EEF1E1: variants seen among roughly 807,000 people sequenced by gnomAD.
The protein encoded by EEF1E1 is eukaryotic translation elongation factor 1 epsilon 1, also known as eukaryotic translation elongation factor 1 epsilon-1.
EEF1E1 carries 19 observed loss-of-function variants against 19.9 expected under a neutral mutation model. That is an observed-to-expected ratio of 0.95 (90% CI 0.66 to 1.40). The LOEUF (loss-of-function observed/expected upper bound fraction) is 1.40, where lower values mean the gene tolerates loss of function less well. EEF1E1 is among the 40% of genes most tolerant of loss of function. The pLI, the probability that EEF1E1 is intolerant of heterozygous loss-of-function variation, is 0.00. For synonymous variants in EEF1E1, 81 were observed against 80.0 expected, an observed-to-expected ratio of 1.01 and a Z score of -0.07; for missense variants, 198 against 202.2, an observed-to-expected ratio of 0.98 and a Z score of 0.13.
At chr6:8,094,591 G>A (rs1002881787) in intron 2 of EEF1E1, among the ~76,000 whole-genome samples, 1 of 151,506 alleles carries the variant, frequency 6.6e-6, no homozygotes, top group Non-Finnish European at 1.5e-5. Context: ...AAAAAAATTA[G>A]GCTAAGGAAA....
chr6:8,101,570 A>G lies in EEF1E1; in HGVS notation c.87+865T>C, dbSNP rs535285962. ...ACTACTTTCTAGACAAGATCTTCAC[A>G]TGGACCAAATGAAGAAGAGAAAAAA... is the stretch of plus-strand genomic sequence containing the variant. On this transcript the variant is annotated intron_variant, in intron 1 of 3. Transcript: ENST00000379715. Among the ~76,000 whole-genome samples the G allele has an allele frequency of 7.8e-4, 119 of 152,076 alleles. 1 individual carries two copies. Among genetic ancestry groups the G allele is most frequent in the African/African-American group, 2.8e-3 (117 of 41,484 alleles).
intron 2 of EEF1E1, among the ~76,000 whole-genome samples, chr6:8,095,771 A>G (rs181180426): frequency 1.2e-4 from 19 of 152,308 alleles, no homozygotes; most frequent in South Asian, 4.1e-4. Flanking sequence ...TGCTTTTAAA[A>G]TAAAAACAAT....
chr6:8,102,162 G>T, intron 1 of EEF1E1: 1 of 1,256,098 alleles, frequency 8.0e-7, no homozygotes, highest in Non-Finnish European at 1.0e-6. Flanking sequence ...CCTCCAACTG[G>T]TTTTGTTTCC....
At chr6:8,077,382 C>T (rs1056462333), downstream of EEF1E1, among the ~76,000 whole-genome samples, 2 of 152,236 alleles carry the variant, frequency 1.3e-5, no homozygotes, top group African/African-American at 4.8e-5. Context: ...AAGCCAGGCA[C>T]TGACTTCTCT....
At chr6:8,093,736 TAATAA>T (rs1758086762) in intron 2 of EEF1E1, among the ~76,000 whole-genome samples, 1 of 151,548 alleles carries the variant, frequency 6.6e-6, no homozygotes, top group Admixed American at 6.6e-5. Context: ...TTTTTAAAAA[TAATAA>T]AATAGCTAAT....
rs59206899 is a variant in EEF1E1 at position 8,090,674 on chromosome 6, A to AT, written c.289-394dup. ...TCTTTAGAGAATTCTAAGAAACTCT[A>AT]TATCCATGAAACAATAATTCACCCA... On this transcript the variant is annotated intron_variant, in intron 2 of 3. Transcript: ENST00000379715. Among the ~76,000 whole-genome samples the AT allele has an allele frequency of 4.3e-4, 65 of 152,336 alleles. 1 individual carries two copies. The East Asian group carries it at 8.7e-3, about 20-fold the overall frequency.
downstream of EEF1E1, among the ~76,000 whole-genome samples, chr6:8,076,924 T>A (rs1256343874): frequency 7.1e-6 from 1 of 140,244 alleles, no homozygotes; most frequent in Non-Finnish European, 1.6e-5. Flanking sequence ...AGATGTAGCA[T>A]GATTTTTTTT....
intron 3 of EEF1E1, among the ~76,000 whole-genome samples, chr6:8,085,421 G>A (rs1400334613): frequency 1.3e-5 from 2 of 152,004 alleles, no homozygotes; most frequent in African/African-American, 4.8e-5. Flanking sequence ...CCAAAGTGCT[G>A]GGATTACAGG....
At chr6:8,098,933 C>T (rs1214292361) in intron 1 of EEF1E1, among the ~76,000 whole-genome samples, 2 of 152,176 alleles carry the variant, frequency 1.3e-5, no homozygotes, top group East Asian at 3.9e-4. Context: ...TTCCCAGTTA[C>T]GTTCTCATCT....
At chr6:8,093,015 C>T (rs922164134) in intron 2 of EEF1E1, among the ~76,000 whole-genome samples, 6 of 151,664 alleles carry the variant, frequency 4.0e-5, no homozygotes, top group African/African-American at 1.2e-4. Flanking sequence ...GCTGGGACTA[C>T]AGGCACACAA....
chr6:8,084,172 G>T (rs2113641673), intron 3 of EEF1E1, among the ~76,000 whole-genome samples: 1 of 152,296 alleles, frequency 6.6e-6, no homozygotes, highest in Middle Eastern at 3.4e-3. Context: ...CACTATATAT[G>T]AAGATGACAT....
At chr6:8,073,486 C>T in exon 4 of EEF1E1, 1 of 1,551,450 alleles carries the variant, frequency 6.4e-7, no homozygotes, top group Non-Finnish European at 8.7e-7. Flanking sequence ...TAGTTCCCTA[C>T]CTCTGTGTGC....
chr6:8,094,636 C>T (rs1441135309), intron 2 of EEF1E1, among the ~76,000 whole-genome samples: 9 of 151,616 alleles, frequency 5.9e-5, no homozygotes, highest in Admixed American at 5.9e-4. Context: ...TAGCAACAAT[C>T]TAGTAACTAC....
chr6:8,082,600 C>G (rs1487063039), intron 3 of EEF1E1, among the ~76,000 whole-genome samples: 1 of 152,182 alleles, frequency 6.6e-6, no homozygotes, highest in Non-Finnish European at 1.5e-5. Context: ...TAATTTTTAA[C>G]TAGATGATCC....
intron 2 of EEF1E1, among the ~76,000 whole-genome samples, chr6:8,091,902 G>C (rs1038644680): frequency 6.6e-6 from 1 of 152,166 alleles, no homozygotes. Context: ...TAGTCCACTT[G>C]GGCAACTATA....
intron 3 of EEF1E1, 40 bp downstream of exon 3, chr6:8,090,146 A>G: frequency 1.4e-6 from 2 of 1,453,712 alleles, no homozygotes; most frequent in Non-Finnish European, 1.8e-6. Flanking sequence ...ATCATTCTCA[A>G]CACTACAGAA....
At chr6:8,083,113 T>A (rs1445679807) in intron 3 of EEF1E1, among the ~76,000 whole-genome samples, 1 of 152,250 alleles carries the variant, frequency 6.6e-6, no homozygotes, top group Non-Finnish European at 1.5e-5. Context: ...TAATTTATAT[T>A]GGCACTCTAT....
exon 4 of EEF1E1, chr6:8,073,471 T>G (rs1385597766): frequency 6.4e-7 from 1 of 1,551,458 alleles, no homozygotes; most frequent in South Asian, 1.2e-5. Flanking sequence ...TGTATGATGT[T>G]GGGTTAGTTC....
At chr6:8,094,348 A>G (rs1354801021) in intron 2 of EEF1E1, among the ~76,000 whole-genome samples, 1 of 151,820 alleles carries the variant, frequency 6.6e-6, no homozygotes. Context: ...TGTAATCCCA[A>G]CACTTCAGGA....
Sources: allele counts gnomAD v4.1 joint callset (sites outside exome capture counted in the v4.1 genomes callset), GRCh38; gene constraint gnomAD v4.1.1; transcripts MANE v1.5; gene names NCBI Gene and HGNC (gene_info 2026-07-23, HGNC 2026-07-21).